The following NRG1 variants were observed in gnomAD, a reference collection of about 807,000 sequenced individuals.
The protein encoded by NRG1 is pro-neuregulin-1, membrane-bound isoform.
Under a neutral mutation model 63.8 loss-of-function variants are expected in NRG1, and 18 were observed. The ratio of observed to expected loss-of-function variants is 0.28; its 90% CI spans 0.19 to 0.42. The LOEUF is 0.42. Ranked by LOEUF, NRG1 falls within the 10% of genes least tolerant of loss-of-function variation. NRG1 has a pLI of 1.00. For synonymous variants in NRG1, 302 were observed against 301.3 expected (o/e 1.00, Z -0.02); for missense variants, 762 against 814.7 (o/e 0.94, Z 0.79).
chr8:32,570,730 G>T (rs1172569374), intron 1 of NRG1, among the ~76,000 whole-genome samples: 1 of 152,056 alleles, frequency 6.6e-6, no homozygotes, highest in East Asian at 1.9e-4. Context: ...GTTTTGAAAG[G>T]ACCCTTTCTT....
chr8:31,788,794 A>G (rs1820418662), intron 1 of NRG1, among the ~76,000 whole-genome samples: 1 of 152,224 alleles, frequency 6.6e-6, no homozygotes, highest in Non-Finnish European at 1.5e-5. Context: ...CATAGATAAG[A>G]AAATGAAGTG....
At chr8:32,728,197 TG>T in intron 6 of NRG1, 119 bp downstream of exon 6, 1 of 1,520,076 alleles carries the variant, frequency 6.6e-7, no homozygotes, top group Non-Finnish European at 8.8e-7. Context: ...TGAATAATGC[TG>T]TTTTATATGT....
intron 5 of NRG1, among the ~76,000 whole-genome samples, chr8:32,634,420 C>T (rs921045511): frequency 3.3e-5 from 5 of 152,124 alleles, no homozygotes; most frequent in African/African-American, 9.7e-5. Flanking sequence ...CAACAGAGGG[C>T]CATCATACTG....
chr8:32,633,190 G>T (rs1365951451), intron 5 of NRG1, among the ~76,000 whole-genome samples: 1 of 152,104 alleles, frequency 6.6e-6, no homozygotes, highest in Non-Finnish European at 1.5e-5. Context: ...TCATCAAAAA[G>T]ATAATAATAA....
intron 1 of NRG1, among the ~76,000 whole-genome samples, chr8:31,732,633 A>G (rs12678638): frequency 0.29 from 43,645 of 152,032 alleles, 7,259 homozygotes; most frequent in Non-Finnish European, 0.36. Context: ...TCTCCTGCCT[A>G]GAATCCCAGC....
At chr8:31,905,230 A>G (rs1832427633) in intron 1 of NRG1, among the ~76,000 whole-genome samples, 1 of 152,164 alleles carries the variant, frequency 6.6e-6, no homozygotes, top group African/African-American at 2.4e-5. Context: ...GAAGCCTTCC[A>G]GTAAGCTCCT....
At chr8:32,709,682 A>G (rs1183311817) in intron 5 of NRG1, among the ~76,000 whole-genome samples, 1 of 152,024 alleles carries the variant, frequency 6.6e-6, no homozygotes, top group East Asian at 1.9e-4. Context: ...CAGCCTCCCA[A>G]AGTGCTGGGA....
chr8:32,282,144 A>G (rs1319042371), intron 1 of NRG1, among the ~76,000 whole-genome samples: 2 of 152,162 alleles, frequency 1.3e-5, no homozygotes. Flanking sequence ...TTGAGAGTGG[A>G]GTTTGCACAG....
At chr8:32,390,678 C>G (rs1229080842) in intron 1 of NRG1, among the ~76,000 whole-genome samples, 3 of 151,872 alleles carry the variant, frequency 2.0e-5, no homozygotes, top group Non-Finnish European at 4.4e-5. Context: ...ACTAGACACC[C>G]TCTTATCTGC....
intron 1 of NRG1, among the ~76,000 whole-genome samples, chr8:32,524,376 G>A (rs895392308): frequency 2.6e-5 from 4 of 151,874 alleles, no homozygotes; most frequent in African/African-American, 4.8e-5. Context: ...TTCCTTCTAC[G>A]GCAACAAATT....
At chr8:31,756,803 G>A (rs910563051) in intron 1 of NRG1, among the ~76,000 whole-genome samples, 14 of 152,110 alleles carry the variant, frequency 9.2e-5, no homozygotes, top group Middle Eastern at 3.2e-3. Flanking sequence ...GAAGGGTCAC[G>A]CTTAATAGAT....
chr8:32,021,461 C>T (rs1156985378), intron 1 of NRG1, among the ~76,000 whole-genome samples: 1 of 152,180 alleles, frequency 6.6e-6, no homozygotes, highest in Admixed American at 6.5e-5. Context: ...AGAGTGAGAA[C>T]TTACTACCAG....
At chr8:32,520,182 A>ATTGCC (rs1830202495) in intron 1 of NRG1, among the ~76,000 whole-genome samples, 1 of 152,104 alleles carries the variant, frequency 6.6e-6, no homozygotes, top group Non-Finnish European at 1.5e-5. Context: ...TGTTTTTGAG[A>ATTGCC]CAGGGTCTCA....
chr8:31,889,750 C>T (rs59398728), intron 1 of NRG1, among the ~76,000 whole-genome samples: 22,110 of 152,122 alleles, frequency 0.15, 2,008 homozygotes, highest in Non-Finnish European at 0.19. Flanking sequence ...CATGGGAGGG[C>T]ATTGCCTCCA....
intron 1 of NRG1, among the ~76,000 whole-genome samples, chr8:31,795,272 G>A (rs1308362956): frequency 6.6e-6 from 1 of 152,118 alleles, no homozygotes; most frequent in African/African-American, 2.4e-5. Context: ...TCCCCTAATC[G>A]AGACAGACAG....
intron 1 of NRG1, among the ~76,000 whole-genome samples, chr8:31,803,227 G>A (rs1486279819): frequency 6.6e-6 from 1 of 152,196 alleles, no homozygotes; most frequent in Non-Finnish European, 1.5e-5. Context: ...AAAAGTCTTT[G>A]TTCAGTGTAC....
chr8:31,915,058 T>G (rs777086627), intron 1 of NRG1, among the ~76,000 whole-genome samples: 8 of 114,044 alleles, frequency 7.0e-5, no homozygotes, highest in African/African-American at 2.6e-4. Flanking sequence ...TCAAAGTCAA[T>G]TTTGTTCAGA....
chr8:31,879,189 T>C, intron 1 of NRG1, among the ~76,000 whole-genome samples: 1 of 152,182 alleles, frequency 6.6e-6, no homozygotes, highest in East Asian at 1.9e-4. Flanking sequence ...CAATTTCCTA[T>C]AGCAGTGTTA....
At chr8:31,678,380 C>G (rs964436478) in intron 1 of NRG1, among the ~76,000 whole-genome samples, 5 of 152,068 alleles carry the variant, frequency 3.3e-5, no homozygotes, top group Non-Finnish European at 7.4e-5. Flanking sequence ...TAATTTCCCC[C>G]CCAACATAAA....
Sources: gnomAD v4.1 joint callset for allele counts (sites outside exome capture counted in the v4.1 genomes callset) on GRCh38, gnomAD v4.1.1 for gene constraint, MANE v1.5 for transcripts, NCBI Gene and HGNC (gene_info 2026-07-23, HGNC 2026-07-21) for gene names.